Variants in HEXB observed in about 807,000 individuals in gnomAD.
The protein encoded by HEXB is beta-hexosaminidase subunit beta.
Under a neutral mutation model 71.2 loss-of-function variants are expected in HEXB, and 51 were observed. The observed-to-expected ratio is 0.72, with a 90% CI of 0.57 to 0.90. The LOEUF (loss-of-function observed/expected upper bound fraction) is 0.90. HEXB is among the 40% of genes least tolerant of loss of function. The probability of loss-of-function intolerance (pLI) is 0.00; values close to 1 mark genes in which losing one functional copy is unlikely to be tolerated. For synonymous variants in HEXB, 266 were observed against 249.3 expected, an observed-to-expected ratio of 1.07 and a Z score of -0.63; for missense variants, 617 against 677.0, an observed-to-expected ratio of 0.91 and a Z score of 0.98.
Position 74,720,519 on chromosome 5 carries a change from G to T in HEXB, c.1508+1G>T, listed in dbSNP as rs758459585. 1 of 1,607,810 alleles carries T rather than the reference G, an allele frequency of 6.2e-7. No homozygotes were observed. Among genetic ancestry groups the T allele is most frequent in the Admixed American group, 1.7e-5 (1 of 59,992 alleles). ...CAACTAACCTCACTCCAAGATTATG[G>T]TATGGGATTTACCTGATAACATTTA... On this transcript the variant is annotated splice_donor_variant, in intron 12 of 13. Coordinates refer to ENST00000261416, the MANE Select transcript of HEXB (RefSeq NM_000521.4). LOFTEE classifies it high-confidence loss of function.
intron 1 of HEXB, among the ~76,000 whole-genome samples, chr5:74,687,090 G>A (rs938340854): frequency 1.3e-5 from 2 of 152,226 alleles, no homozygotes; most frequent in African/African-American, 4.8e-5. Flanking sequence ...TACCTGAAGA[G>A]TTTGCCTAAC....
chr5:74,672,703 A>G (rs961033124), intron 1 of HEXB, among the ~76,000 whole-genome samples: 1 of 152,200 alleles, frequency 6.6e-6, no homozygotes, highest in Non-Finnish European at 1.5e-5. Context: ...TGCTTCCCTG[A>G]GAGATGTCCT....
At chr5:74,661,493 T>C (rs1187290469) in intron 1 of HEXB, among the ~76,000 whole-genome samples, 1 of 150,688 alleles carries the variant, frequency 6.6e-6, no homozygotes, top group African/African-American at 2.4e-5. Flanking sequence ...AAAGAAGTCA[T>C]GAATTCATTT....
chr5:74,705,821 G>C (rs981768540), intron 6 of HEXB: 1 of 173,250 alleles, frequency 5.8e-6, no homozygotes, highest in Non-Finnish European at 1.2e-5. Context: ...GGGACCCTCA[G>C]TGTCCCCTAG....
intron 1 of HEXB, among the ~76,000 whole-genome samples, chr5:74,678,995 G>C (rs984543337): frequency 6.6e-6 from 1 of 152,226 alleles, no homozygotes; most frequent in Non-Finnish European, 1.5e-5. Context: ...GTGGAATGAG[G>C]TTGTAGAGAA....
chr5:74,691,339 T>C (rs1407135998), intron 2 of HEXB, among the ~76,000 whole-genome samples: 1 of 152,230 alleles, frequency 6.6e-6, no homozygotes, highest in Non-Finnish European at 1.5e-5. Context: ...TAGTTTTTAC[T>C]GCAGATAAAT....
chr5:74,683,584 G>A (rs1259401204), upstream of HEXB, among the ~76,000 whole-genome samples: 6 of 152,120 alleles, frequency 3.9e-5, no homozygotes, highest in Middle Eastern at 3.2e-3. Flanking sequence ...GATTACAGGC[G>A]TGAGCCACCA....
At chr5:74,682,680 A>T (rs1438504124), upstream of HEXB, among the ~76,000 whole-genome samples, 1 of 152,254 alleles carries the variant, frequency 6.6e-6, no homozygotes, top group East Asian at 1.9e-4. Flanking sequence ...CCGTGCTTCC[A>T]TTGACAGTAA....
At chr5:74,664,783 G>C (rs1457957589) in intron 1 of HEXB, among the ~76,000 whole-genome samples, 1 of 152,086 alleles carries the variant, frequency 6.6e-6, no homozygotes, top group African/African-American at 2.4e-5. Flanking sequence ...CAAGTTAAGA[G>C]GCAAGTATCA....
chr5:74,677,333 G>A (rs1748649852), intron 1 of HEXB, among the ~76,000 whole-genome samples: 1 of 152,056 alleles, frequency 6.6e-6, no homozygotes, highest in Non-Finnish European at 1.5e-5. Context: ...CTCTGGGCCT[G>A]CAGATTTCAC....
At position 74,685,333 on chromosome 5, in the gene HEXB, GCGATGTTGGCGCTGCTGACT is replaced by G; in HGVS notation, c.75_94del (p.Met26GlyfsTer82). ...GCTGCTGTTGGCGACACTGCTGGCGGCGATGTTGGCGCTGCTGACTCAGGTGGCGCTGGTGGTGCAGGTGG... is the reference window on the plus strand; with the variant it reads ...GCTGCTGTTGGCGACACTGCTGGCGGCAGGTGGCGCTGGTGGTGCAGGTGG... On this transcript the variant is annotated frameshift_variant, in exon 1 of 14. Coordinates refer to ENST00000261416, the MANE Select transcript of HEXB (RefSeq NM_000521.4). LOFTEE classifies it high-confidence loss of function. The G allele has an allele frequency of 6.3e-7, 1 of 1,577,864 alleles. No individual in the cohort carries two copies. Among genetic ancestry groups the G allele is most frequent in the Non-Finnish European group, 8.6e-7 (1 of 1,163,942 alleles).
At chr5:74,710,118 C>T (rs1749503557) in intron 6 of HEXB, among the ~76,000 whole-genome samples, 1 of 152,126 alleles carries the variant, frequency 6.6e-6, no homozygotes, top group South Asian at 2.1e-4. Flanking sequence ...CCCTGGGACG[C>T]AAGCCTGGTT....
upstream of HEXB, among the ~76,000 whole-genome samples, chr5:74,680,837 G>T (rs963248612): frequency 1.3e-5 from 2 of 152,186 alleles, no homozygotes; most frequent in African/African-American, 4.8e-5. Context: ...CCTATAGAAA[G>T]TAAAAATCCA....
In HEXB at chr5:74,688,889, T is replaced by C. The variant is rs143060773; in HGVS notation, c.300-439T>C. Among the ~76,000 whole-genome samples the C allele has an allele frequency of 4.0e-3, 612 of 152,304 alleles. 2 individuals carry two copies. Among genetic ancestry groups the C allele is most frequent in the Non-Finnish European group, 5.6e-3 (380 of 68,018 alleles). ...CTTTCCATCTCTGCTCTGTCCACTT[T>C]AGTGTAGTGGCAACTAGTCCAGCTC... On this transcript the variant is annotated intron_variant, in intron 1 of 13. Coordinates refer to ENST00000261416, the MANE Select transcript of HEXB (RefSeq NM_000521.4).
In HEXB at chr5:74,715,635, G is replaced by T; in HGVS notation, c.1027G>T (p.Val343Leu). The change falls in exon 8 of 14, where the codon GTG (valine) becomes TTG (leucine). Residue 343 changes from valine (V) to leucine (L), a missense_variant. By Grantham distance (32) the Val-to-Leu change is conservative. Transcript: ENST00000261416. ...TACATTTTTCAAAGAAATTAGTGAG[G>T]TGTTTCCAGATCAATTCATTCATTT... ...LTTFFKEISE[V>L]FPDQFIHLGG... 6.2e-7 allele frequency: 1 copy of T among 1,610,694 alleles called. No homozygotes were observed. The highest frequency in any genetic ancestry group is 8.5e-7 in the Non-Finnish European group (1 of 1,177,098).
At chr5:74,657,998 GTGACCTAGT>G (rs1403646686) in intron 1 of HEXB, among the ~76,000 whole-genome samples, 1 of 152,214 alleles carries the variant, frequency 6.6e-6, no homozygotes, top group Non-Finnish European at 1.5e-5. Flanking sequence ...TTCACAGACT[GTGACCTAGT>G]TGATGGCAGG....
intron 8 of HEXB, among the ~76,000 whole-genome samples, chr5:74,716,016 CAAAA>C (rs71600435): frequency 5.2e-3 from 336 of 64,844 alleles, no homozygotes; most frequent in African/African-American, 0.016. Flanking sequence ...GACTCCATCT[CAAAA>C]AAAAAAAAAA....
intron 1 of HEXB, among the ~76,000 whole-genome samples, chr5:74,689,052 C>T (rs1446303806): frequency 6.6e-6 from 1 of 151,926 alleles, no homozygotes; most frequent in Non-Finnish European, 1.5e-5. Context: ...TGGTTCTTAA[C>T]GGGGCTTCAT....
At chr5:74,715,729 AAG>A (rs757442792) in intron 8 of HEXB, 39 bp downstream of exon 8, 11 of 1,424,454 alleles carry the variant, frequency 7.7e-6, no homozygotes, top group Admixed American at 1.7e-5. Flanking sequence ...AAAAAAAAAA[AAG>A]AGAGGCTGGG....
Sources: allele counts gnomAD v4.1 joint callset (sites outside exome capture counted in the v4.1 genomes callset), GRCh38; gene constraint gnomAD v4.1.1; transcripts MANE v1.5; gene names NCBI Gene and HGNC (gene_info 2026-07-23, HGNC 2026-07-21).